The following PSME3 variants were observed in gnomAD, a reference collection of about 807,000 sequenced individuals.
PSME3 encodes proteasome activator complex subunit 3.
Under a neutral mutation model 38.3 loss-of-function variants are expected in PSME3, and 7 were observed. That is an observed-to-expected ratio of 0.18 (90% CI 0.10 to 0.34). PSME3 has a LOEUF of 0.34. Among genes scored for constraint, PSME3 ranks in the 10% least tolerant of loss-of-function variants. The pLI is 1.00. For missense variants in PSME3, 192 were observed against 307.6 expected (o/e 0.62, Z 2.81); for synonymous variants, 108 against 105.7 (o/e 1.02, Z -0.13).
intron 8 of PSME3, 34 bp from the exon 9 acceptor site, chr17:42,839,078 T>A (rs373252756): frequency 7.7e-5 from 123 of 1,589,426 alleles, no homozygotes; most frequent in Admixed American, 1.3e-4. Context: ...ATCAAGGGTC[T>A]CCTGCATCTT....
chr17:42,835,921 T>A (rs1490287019), intron 4 of PSME3, among the ~76,000 whole-genome samples: 1 of 152,150 alleles, frequency 6.6e-6, no homozygotes, highest in Admixed American at 6.5e-5. Context: ...CACATGCTAC[T>A]ATAACACTGA....
intron 6 of PSME3, among the ~76,000 whole-genome samples, chr17:42,838,444 A>T (rs553798015): frequency 1.3e-5 from 2 of 152,100 alleles, no homozygotes; most frequent in Non-Finnish European, 2.9e-5. Context: ...AGTAGCTGGG[A>T]TTACAGGTAC....
Position 42,834,780 on chromosome 17 carries a change from C to G in PSME3, c.147C>G (p.Ile49Met). ...LELDSFLKEP[I>M]LNIHDLTQIH... is the part of the protein sequence containing the mutation. ...GGGTGGGTGTCTTTCAGGAACCAATCTTAAACATCCATGACCTAACTCAGA... is the reference window on the plus strand; with the variant it reads ...GGGTGGGTGTCTTTCAGGAACCAATGTTAAACATCCATGACCTAACTCAGA... The change falls in exon 4 of 11, where the codon ATC becomes ATG. Residue 49 changes from isoleucine to methionine, a missense_variant. Ile to Met is a conservative substitution (Grantham distance 10). Transcript: ENST00000590720. 6.2e-7 allele frequency: 1 copy of G among 1,614,044 alleles called. No homozygotes were observed. Among genetic ancestry groups the G allele is most frequent in the Non-Finnish European group, 8.5e-7 (1 of 1,179,992 alleles).
chr17:42,833,851 G>T, intron 1 of PSME3, 178 bp downstream of exon 1: 1 of 1,513,652 alleles, frequency 6.6e-7, no homozygotes, highest in South Asian at 1.3e-5. Flanking sequence ...ATATAGGATG[G>T]CTTTCTGTAC....
intron 4 of PSME3, 75 bp from the exon 5 acceptor site, chr17:42,837,574 C>G: frequency 1.4e-6 from 2 of 1,430,226 alleles, no homozygotes; most frequent in Non-Finnish European, 2.0e-6. Flanking sequence ...AGGGATTAAA[C>G]TTGCTTGAAG....
intron 1 of PSME3, 67 bp downstream of exon 1, chr17:42,833,740 C>G (rs1274108409): frequency 6.2e-7 from 1 of 1,613,688 alleles, no homozygotes; most frequent in East Asian, 2.2e-5. Flanking sequence ...CGGCTTCCTA[C>G]TCCCCATGGC....
At chr17:42,838,333 G>A (rs373300090) in intron 6 of PSME3, 128 bp downstream of exon 6, 10 of 1,435,110 alleles carry the variant, frequency 7.0e-6, no homozygotes, top group Non-Finnish European at 9.2e-6. Context: ...TTTGAGATGG[G>A]GTCTCGCTCC....
At chr17:42,837,509 G>T in intron 4 of PSME3, 140 bp from the exon 5 acceptor site, 2 of 964,374 alleles carry the variant, frequency 2.1e-6, no homozygotes, top group South Asian at 1.4e-5. Context: ...TTAAAGCTTT[G>T]TATGTACTTA....
rs1344684282 is a variant in PSME3 at position 42,839,322 on chromosome 17, TTGA to T, written c.630_632del (p.Asp210del). The T allele has an allele frequency of 6.2e-7, 1 of 1,613,850 alleles. No homozygotes were observed. The highest frequency in any genetic ancestry group is 8.5e-7 in the Non-Finnish European group (1 of 1,179,834). On this transcript the variant is annotated inframe_deletion, in exon 10 of 11. Coordinates refer to ENST00000590720, the MANE Select transcript of PSME3 (RefSeq NM_005789.4). ...GACTATCGCCGCACCGTGACAGAGA[TTGA>T]TGAGAAAGAATATATCAGCCTTCGG... is the stretch of plus-strand genomic sequence containing the variant.
Position 42,843,460 on chromosome 17 carries a change from AAGTT to A in PSME3, c.*1885_*1888del, listed in dbSNP as rs1325603522. 1 of 152,246 alleles carries A rather than the reference AAGTT, an allele frequency of 6.6e-6. No individual in the cohort carries two copies. The highest frequency in any genetic ancestry group is 2.4e-5 in the African/African-American group (1 of 41,410). The allele number at this position is 152,246 out of a possible 1,614,324, so 9.4% of individuals were successfully genotyped here. ...TTTGTGTTCAGTCTGAATTATGGGA[AAGTT>A]AGCTCTTCCCAGACCTAAGCTGCCT... On this transcript the variant is annotated 3_prime_UTR_variant, in exon 11 of 11. Transcript: ENST00000590720.
In PSME3 at chr17:42,834,841, ATTC is replaced by A; in HGVS notation, c.213_215del (p.Leu72del). 6.2e-7 allele frequency: 1 copy of A among 1,614,002 alleles called. No homozygotes were observed. The highest frequency in any genetic ancestry group is 8.5e-7 in the Non-Finnish European group (1 of 1,179,958). ...CATGAATCTCCCAGTCCCTGACCCC[ATTC>A]TTCTCACCAATAGCCATGATGGACT... is the stretch of plus-strand genomic sequence containing the variant. On this transcript the variant is annotated inframe_deletion, in exon 4 of 11. Coordinates refer to ENST00000590720, the MANE Select transcript of PSME3 (RefSeq NM_005789.4).
intron 6 of PSME3, among the ~76,000 whole-genome samples, chr17:42,838,523 A>G (rs1328623035): frequency 6.6e-6 from 1 of 152,076 alleles, no homozygotes; most frequent in Non-Finnish European, 1.5e-5. Context: ...GGCCATGGTT[A>G]GCCAGGCTGG....
intron 3 of PSME3, 22 bp from the exon 4 acceptor site, chr17:42,834,750 T>C (rs1308120428): frequency 1.9e-6 from 3 of 1,613,386 alleles, no homozygotes; most frequent in African/African-American, 2.7e-5. Flanking sequence ...AAGATTAATG[T>C]TTTGGGGTGG....
In PSME3 at chr17:42,833,424, CG is replaced by C. The variant is rs2144236733; in HGVS notation, c.-205del. On this transcript the variant is annotated 5_prime_UTR_variant, in exon 1 of 11. Coordinates refer to ENST00000590720, the MANE Select transcript of PSME3 (RefSeq NM_005789.4). ...AGTTTCCGGCGTGAGCGGCGAAAGC[CG>C]GGAGGGCGAGCGAGAGAGCAAGCAG... 1 of 615,154 alleles carries C rather than the reference CG, an allele frequency of 1.6e-6. No homozygotes were observed. Among genetic ancestry groups the C allele is most frequent in the African/African-American group, 1.9e-5 (1 of 54,042 alleles). The allele number at this position is 615,154 out of a possible 1,614,324, so 38.1% of individuals were successfully genotyped here. A position where few individuals can be genotyped will look rare whatever the true frequency, so the allele number is the denominator to read the frequency against.
rs975751649 is a variant in PSME3, at chr17:42,833,693, C to A, written c.42+20C>A. ...CTCAAGGTAGCGGCACCGGTCCGGC[C>A]TTTTTGCCCCTCGCTTTGATCCCCC... On this transcript the variant is annotated intron_variant, in intron 1 of 10. Transcript: ENST00000590720. 3.7e-6 allele frequency: 6 copies of A among 1,614,122 alleles called. No homozygotes were observed. Among genetic ancestry groups the A allele is most frequent in the Non-Finnish European group, 5.1e-6 (6 of 1,180,036 alleles).
rs2055497266 is a variant in PSME3 at position 42,838,998 on chromosome 17, G to A, written c.528G>A (p.Leu176=). The change falls in exon 8 of 11, where the codon CTG becomes CTA. Residue 176 remains leucine, a synonymous_variant. Coordinates refer to ENST00000590720, the MANE Select transcript of PSME3 (RefSeq NM_005789.4). The part of the protein sequence containing the change: ...RTVESEAASY[L]DQISRYYITR... ...TTGAGAGTGAAGCTGCATCTTATCTGGACCAGATTTCTAGGTAGGGCTGCT... is the reference window on the plus strand; with the variant it reads ...TTGAGAGTGAAGCTGCATCTTATCTAGACCAGATTTCTAGGTAGGGCTGCT... 3 of 1,614,036 alleles carry A rather than the reference G, an allele frequency of 1.9e-6. No homozygotes were observed. The South Asian group carries it at 3.3e-5, about 18-fold the overall frequency.
chr17:42,836,466 T>A (rs1341556573), intron 4 of PSME3, among the ~76,000 whole-genome samples: 1 of 152,224 alleles, frequency 6.6e-6, no homozygotes, highest in Non-Finnish European at 1.5e-5. Flanking sequence ...GATTGGTTCT[T>A]TTTTCCTATT....
In PSME3 at chr17:42,839,146, A is replaced by G. The variant is rs2055499689; in HGVS notation, c.577A>G (p.Ile193Val). The G allele has an allele frequency of 6.3e-7, 1 of 1,586,140 alleles. No individual in the cohort carries two copies. The highest frequency in any genetic ancestry group is 1.7e-5 in the Admixed American group (1 of 59,944). The change falls in exon 9 of 11, where the codon ATA becomes GTA. Residue 193 changes from isoleucine to valine, a missense_variant. Physicochemically the swap from Ile to Val is conservative, Grantham distance 29 (BLOSUM62 3). Coordinates refer to ENST00000590720, the MANE Select transcript of PSME3 (RefSeq NM_005789.4). ...YITRAKLVSK[I>V]AKYPHVEDYR... Reference sequence around the variant, plus strand: ...TACAAGAGCCAAATTGGTTTCTAAAATAGCTAAATATCCCCATGTGGTAAG... The same window carrying G: ...TACAAGAGCCAAATTGGTTTCTAAAGTAGCTAAATATCCCCATGTGGTAAG...
At chr17:42,840,749 C>A (rs1328429495) in intron 10 of PSME3, among the ~76,000 whole-genome samples, 1 of 152,188 alleles carries the variant, frequency 6.6e-6, no homozygotes, top group Non-Finnish European at 1.5e-5. Context: ...TTATTAGACA[C>A]TTGGGGCCTT....
Sources: allele counts gnomAD v4.1 joint callset (sites outside exome capture counted in the v4.1 genomes callset), GRCh38; gene constraint gnomAD v4.1.1; transcripts MANE v1.5; gene names NCBI Gene and HGNC (gene_info 2026-07-23, HGNC 2026-07-21).